Variants in PRKN observed in about 807,000 individuals in gnomAD.
PRKN encodes E3 ubiquitin-protein ligase parkin.
A neutral mutation model predicts 59.5 loss-of-function variants in PRKN; 56 were observed. The ratio of observed to expected loss-of-function variants is 0.94; its 90% CI spans 0.76 to 1.18. The LOEUF (loss-of-function observed/expected upper bound fraction) is 1.18. Ranked by LOEUF, PRKN falls within the 50% of genes most tolerant of loss-of-function variation. The pLI is 0.00. For synonymous variants in PRKN, 250 were observed against 222.1 expected (o/e 1.13, Z -1.12); for missense variants, 657 against 596.4 (o/e 1.10, Z -1.06).
At chr6:161,433,497 C>G (rs1788743813) in intron 9 of PRKN, among the ~76,000 whole-genome samples, 1 of 151,990 alleles carries the variant, frequency 6.6e-6, no homozygotes, top group Non-Finnish European at 1.5e-5. Context: ...ATTTTCATTA[C>G]AGAAATATAT....
In PRKN at chr6:162,386,383, A is replaced by C. The variant is rs78221551; in HGVS notation, c.171+56927T>G. On this transcript the variant is annotated intron_variant, in intron 2 of 11. Coordinates refer to ENST00000366898, the MANE Select transcript of PRKN (RefSeq NM_004562.3). ...AAAAATTAAACTCATTTTTAACCCT[A>C]TAGTTTATGTGAAACTATATGTTAT... is the stretch of plus-strand genomic sequence containing the variant. 6.6e-3 allele frequency among the ~76,000 whole-genome samples: 1,008 copies of C among 152,324 alleles called. 8 individuals carry two copies. The highest frequency in any genetic ancestry group is 0.014 in the Middle Eastern group (4 of 294).
At chr6:161,599,171 G>A (rs924728058) in intron 7 of PRKN, among the ~76,000 whole-genome samples, 1 of 152,222 alleles carries the variant, frequency 6.6e-6, no homozygotes, top group African/African-American at 2.4e-5. Flanking sequence ...CAGGCTCCCA[G>A]GACAATGAGA....
chr6:161,384,005 G>T (rs1226556908), intron 10 of PRKN, among the ~76,000 whole-genome samples: 1 of 152,220 alleles, frequency 6.6e-6, no homozygotes, highest in African/African-American at 2.4e-5. Flanking sequence ...ACCAGAAGCA[G>T]GAAGAGCCTC....
At chr6:161,858,721 C>T (rs541801655) in intron 6 of PRKN, among the ~76,000 whole-genome samples, 1 of 152,118 alleles carries the variant, frequency 6.6e-6, no homozygotes, top group African/African-American at 2.4e-5. Context: ...AACCCATGCT[C>T]CCCACAGAGG....
Position 161,548,345 on chromosome 6 carries a change from G to A in PRKN, c.1083+509C>T, listed in dbSNP as rs958634412. Among the ~76,000 whole-genome samples the A allele has an allele frequency of 2.6e-5, 4 of 152,128 alleles. No homozygotes were observed. The highest frequency in any genetic ancestry group is 5.9e-5 in the Non-Finnish European group (4 of 68,028). ...CATTTCTTATTCTGCTTCCATAAGA[G>A]ACACCATTAGTTTTGTTCATCTCTA... On this transcript the variant is annotated intron_variant, in intron 9 of 11. Coordinates refer to ENST00000366898, the MANE Select transcript of PRKN (RefSeq NM_004562.3). The surrounding 1 kb of genome is among the most constrained non-coding windows in gnomAD (Gnocchi z 4.2).
At chr6:161,844,787 G>A (rs1295841091) in intron 6 of PRKN, among the ~76,000 whole-genome samples, 1 of 152,216 alleles carries the variant, frequency 6.6e-6, no homozygotes, top group African/African-American at 2.4e-5. Context: ...CACCCCGGAA[G>A]CAGAATCACA....
At chr6:161,956,224 A>G (rs890053779) in intron 6 of PRKN, among the ~76,000 whole-genome samples, 2 of 152,228 alleles carry the variant, frequency 1.3e-5, no homozygotes, top group African/African-American at 4.8e-5. Context: ...TGAACACAAC[A>G]TTCTTTCTCC....
chr6:161,491,047 A>G (rs546047317), intron 9 of PRKN, among the ~76,000 whole-genome samples: 5 of 152,160 alleles, frequency 3.3e-5, no homozygotes, highest in Admixed American at 1.3e-4. Flanking sequence ...TGAGCCAATT[A>G]AACATCTTTT....
intron 2 of PRKN, among the ~76,000 whole-genome samples, chr6:162,335,256 G>A (rs528686644): frequency 1.3e-5 from 2 of 151,832 alleles, no homozygotes; most frequent in Non-Finnish European, 2.9e-5. Context: ...TAGGCAGGGT[G>A]GTCTTGAACT....
chr6:162,417,295 T>G (rs1192138763), intron 2 of PRKN, among the ~76,000 whole-genome samples: 1 of 152,194 alleles, frequency 6.6e-6, no homozygotes, highest in Non-Finnish European at 1.5e-5. Flanking sequence ...ATCTCTGTAT[T>G]TTTCCATTTA....
chr6:161,477,936 G>C (rs1791191271), intron 9 of PRKN, among the ~76,000 whole-genome samples: 1 of 152,152 alleles, frequency 6.6e-6, no homozygotes, highest in Non-Finnish European at 1.5e-5. Flanking sequence ...CATGAAAAGT[G>C]GCTTTAAATC....
At chr6:162,371,845 C>T (rs544962777) in intron 2 of PRKN, among the ~76,000 whole-genome samples, 9 of 152,304 alleles carry the variant, frequency 5.9e-5, no homozygotes, top group South Asian at 2.1e-4. Context: ...GTCCCTTCTC[C>T]GCCTTCCTCA....
intron 1 of PRKN, among the ~76,000 whole-genome samples, chr6:162,564,631 G>A (rs757704185): frequency 6.6e-6 from 1 of 152,078 alleles, no homozygotes; most frequent in Non-Finnish European, 1.5e-5. Flanking sequence ...AACATACAAT[G>A]GAGCTCCAAA....
chr6:162,037,274 C>T (rs1411322507), intron 5 of PRKN, among the ~76,000 whole-genome samples: 1 of 152,172 alleles, frequency 6.6e-6, no homozygotes, highest in Non-Finnish European at 1.5e-5. Context: ...CAATGCAAGA[C>T]TCTTCAACAA....
intron 6 of PRKN, among the ~76,000 whole-genome samples, chr6:161,907,848 C>T (rs184919255): frequency 9.8e-4 from 149 of 152,192 alleles, no homozygotes; most frequent in Middle Eastern, 6.8e-3. Flanking sequence ...GAGGCCAAGG[C>T]GGGTGGATCA....
chr6:161,421,042 G>A (rs1788081706), intron 9 of PRKN, among the ~76,000 whole-genome samples: 1 of 152,308 alleles, frequency 6.6e-6, no homozygotes, highest in South Asian at 2.1e-4. Context: ...AGGACAGCAA[G>A]AGAGAAAGCA....
intron 2 of PRKN, among the ~76,000 whole-genome samples, chr6:162,271,156 C>T (rs547334339): frequency 1.3e-5 from 2 of 151,940 alleles, no homozygotes; most frequent in Non-Finnish European, 2.9e-5. Flanking sequence ...TGAGCCACTG[C>T]ACCTGGCTTT....
At chr6:162,379,032 A>T (rs1786280778) in intron 2 of PRKN, among the ~76,000 whole-genome samples, 2 of 152,306 alleles carry the variant, frequency 1.3e-5, no homozygotes, top group Non-Finnish European at 1.5e-5. Flanking sequence ...CCTTTATTCA[A>T]ATACTTTAAA....
At chr6:162,018,179 G>A (rs1342764048) in intron 5 of PRKN, among the ~76,000 whole-genome samples, 2 of 152,046 alleles carry the variant, frequency 1.3e-5, no homozygotes, top group Admixed American at 6.6e-5. Context: ...GGCGCCCATC[G>A]CCATGCCCGG....
Sources: allele counts gnomAD v4.1 joint callset (sites outside exome capture counted in the v4.1 genomes callset), GRCh38; gene constraint gnomAD v4.1.1; non-coding constraint Gnocchi (gnomAD v3.1); transcripts MANE v1.5; gene names NCBI Gene and HGNC (gene_info 2026-07-23, HGNC 2026-07-21).